Variants in TESK2 observed in about 807,000 individuals in gnomAD.
TESK2 encodes testis associated actin remodelling kinase 2, also known as dual specificity testis-specific protein kinase 2.
In TESK2, 39 loss-of-function variants were observed where a neutral mutation model predicts 57.1. The observed-to-expected ratio is 0.68, with a 90% confidence interval of 0.53 to 0.89. The LOEUF (loss-of-function observed/expected upper bound fraction) is 0.89. Among genes scored for constraint, TESK2 ranks in the 40% least tolerant of loss-of-function variants. TESK2 has a pLI of 0.00. For synonymous variants in TESK2, 249 were observed against 267.9 expected, an observed-to-expected ratio of 0.93 and a Z score of 0.69; for missense variants, 646 against 732.1, an observed-to-expected ratio of 0.88 and a Z score of 1.36.
At chr1:45,429,864 AT>A (rs1650877809) in intron 2 of TESK2, among the ~76,000 whole-genome samples, 1 of 152,210 alleles carries the variant, frequency 6.6e-6, no homozygotes, top group African/African-American at 2.4e-5. Context: ...CTGTTGTTTG[AT>A]ATCCCTGCCT....
At chr1:45,415,239 C>A in intron 3 of TESK2, 1 of 1,462,732 alleles carries the variant, frequency 6.8e-7, no homozygotes. Context: ...TGGTCTTTGG[C>A]AAGGTGAAAG....
intron 4 of TESK2, among the ~76,000 whole-genome samples, chr1:45,366,317 C>A (rs1647912675): frequency 6.6e-6 from 1 of 152,138 alleles, no homozygotes. Context: ...AAACTCCTGA[C>A]CTCAAGTGAT....
intron 3 of TESK2, among the ~76,000 whole-genome samples, chr1:45,406,630 T>C (rs777934116): frequency 3.3e-5 from 5 of 152,046 alleles, no homozygotes; most frequent in Non-Finnish European, 7.4e-5. Context: ...CACTCCAGCC[T>C]GGGTGACAGA....
intron 3 of TESK2, chr1:45,415,092 C>G (rs1650186219): frequency 2.8e-6 from 4 of 1,418,468 alleles, no homozygotes; most frequent in Non-Finnish European, 4.0e-6. Flanking sequence ...CTCCTTCGAG[C>G]TGTTTGCAGA....
intron 2 of TESK2, 53 bp downstream of exon 2, chr1:45,457,511 C>T (rs1043292563): frequency 6.6e-7 from 1 of 1,515,952 alleles, no homozygotes. Context: ...TATCAACCTG[C>T]AGTAAATGTG....
Position 45,419,706 on chromosome 1 carries a change from T to G in TESK2, c.344+2019A>C, listed in dbSNP as rs567014190. On this transcript the variant is annotated intron_variant, in intron 3 of 10. Coordinates refer to ENST00000372086, the MANE Select transcript of TESK2 (RefSeq NM_007170.3). ...CTGTAATCCCAGCTACTTGGGAGGC[T>G]GAGGCAGGAGAATCACTTGAACCCA... Among the ~76,000 whole-genome samples the G allele has an allele frequency of 3.3e-5, 5 of 152,190 alleles. No individual in the cohort carries two copies. In the East Asian group the frequency reaches 9.7e-4, roughly 29 times the overall value.
At chr1:45,350,942 C>T (rs1159454115) in intron 5 of TESK2, among the ~76,000 whole-genome samples, 1 of 152,252 alleles carries the variant, frequency 6.6e-6, no homozygotes, top group Non-Finnish European at 1.5e-5. Flanking sequence ...TCTCTTCACT[C>T]TGAAAATTGG....
intron 3 of TESK2, among the ~76,000 whole-genome samples, chr1:45,402,909 T>C (rs1649685892): frequency 6.6e-6 from 1 of 151,986 alleles, no homozygotes; most frequent in African/African-American, 2.4e-5. Flanking sequence ...ACAAAATAAA[T>C]TGCTTTGCAT....
At chr1:45,366,566 A>G (rs781047473) in intron 4 of TESK2, among the ~76,000 whole-genome samples, 4 of 152,096 alleles carry the variant, frequency 2.6e-5, no homozygotes, top group African/African-American at 9.7e-5. Context: ...CATCCTGCAC[A>G]TGTTTCTACT....
At chr1:45,347,119 G>A (rs1482706181) in intron 7 of TESK2, 57 bp from the exon 8 acceptor site, 1 of 1,408,212 alleles carries the variant, frequency 7.1e-7, no homozygotes, top group Non-Finnish European at 1.0e-6. Flanking sequence ...TAGGGTATCT[G>A]CCCCTGCCCC....
intron 4 of TESK2, among the ~76,000 whole-genome samples, chr1:45,358,240 G>A (rs1261093054): frequency 1.3e-5 from 2 of 151,662 alleles, no homozygotes; most frequent in Non-Finnish European, 2.9e-5. Context: ...ATGAACCCAG[G>A]AGGCGGAGCT....
chr1:45,395,951 T>C (rs1249160624), intron 3 of TESK2, among the ~76,000 whole-genome samples: 2 of 152,100 alleles, frequency 1.3e-5, no homozygotes, highest in Admixed American at 1.3e-4. Context: ...TAAAAAACAC[T>C]TGCTGGGTAA....
At chr1:45,392,802 C>A (rs994794571) in intron 3 of TESK2, among the ~76,000 whole-genome samples, 1 of 152,246 alleles carries the variant, frequency 6.6e-6, no homozygotes, top group Admixed American at 6.5e-5. Flanking sequence ...CTCGGCCTCC[C>A]AAAGTGCTAG....
intron 4 of TESK2, among the ~76,000 whole-genome samples, chr1:45,363,923 C>G (rs558988261): frequency 2.0e-5 from 3 of 151,832 alleles, no homozygotes. Context: ...GTGCCTAACC[C>G]ACAGAGTTGT....
chr1:45,442,591 T>C (rs41343546), intron 2 of TESK2, among the ~76,000 whole-genome samples: 9,617 of 152,310 alleles, frequency 0.063, 364 homozygotes, highest in Non-Finnish European at 0.091. Context: ...AGAAGCACTC[T>C]TAATTTGAAA....
intron 1 of TESK2, among the ~76,000 whole-genome samples, chr1:45,472,714 C>T (rs12137389): frequency 0.014 from 2,123 of 152,018 alleles, 21 homozygotes; most frequent in Non-Finnish European, 0.018. Flanking sequence ...TGTAAGGAGA[C>T]GCAAATTCTT....
intron 3 of TESK2, chr1:45,414,947 T>C (rs1426589206): frequency 3.8e-6 from 2 of 523,698 alleles, no homozygotes; most frequent in Non-Finnish European, 6.9e-6. Context: ...AAGTGTTTAG[T>C]GAGTAAATGA....
intron 3 of TESK2, among the ~76,000 whole-genome samples, chr1:45,416,072 CTTTTTTTTTTTTTTT>C (rs34785518): frequency 1.7e-5 from 1 of 59,282 alleles, no homozygotes; most frequent in African/African-American, 7.9e-5. Flanking sequence ...AATCTAGAGC[CTTTTTTTTTTTTTTT>C]TTTTTTTTTT....
chr1:45,462,598 T>C (rs1652380323), intron 1 of TESK2, among the ~76,000 whole-genome samples: 1 of 152,186 alleles, frequency 6.6e-6, no homozygotes, highest in African/African-American at 2.4e-5. Context: ...TATGGCTGAA[T>C]AATCCATTTG....
Sources: gnomAD v4.1 joint callset for allele counts (sites outside exome capture counted in the v4.1 genomes callset) on GRCh38, gnomAD v4.1.1 for gene constraint, MANE v1.5 for transcripts, NCBI Gene and HGNC (gene_info 2026-07-23, HGNC 2026-07-21) for gene names.